The following GABBR2 variants were observed in gnomAD, a reference collection of about 807,000 sequenced individuals.
The protein encoded by GABBR2 is gamma-aminobutyric acid type B receptor subunit 2.
A neutral mutation model predicts 105.6 loss-of-function variants in GABBR2; 23 were observed. The ratio of observed to expected loss-of-function variants is 0.22; its 90% CI spans 0.16 to 0.31. GABBR2 has a LOEUF of 0.31. Ranked by LOEUF, GABBR2 falls within the 10% of genes least tolerant of loss-of-function variation. The probability of loss-of-function intolerance (pLI) is 1.00; values close to 1 mark genes in which losing one functional copy is unlikely to be tolerated. For missense variants in GABBR2, 734 were observed against 1,245.5 expected, an observed-to-expected ratio of 0.59 and a Z score of 6.18; for synonymous variants, 478 against 499.7, an observed-to-expected ratio of 0.96 and a Z score of 0.58.
intron 11 of GABBR2, among the ~76,000 whole-genome samples, chr9:98,384,412 G>A (rs1832035041): frequency 6.6e-6 from 1 of 152,130 alleles, no homozygotes; most frequent in Non-Finnish European, 1.5e-5. Flanking sequence ...CCAACATGGA[G>A]AAACCCCGTC....
chr9:98,575,283 G>T (rs943515828), intron 2 of GABBR2, among the ~76,000 whole-genome samples: 1 of 152,142 alleles, frequency 6.6e-6, no homozygotes, highest in African/African-American at 2.4e-5. Context: ...TTAAAGAATG[G>T]GCAGCACTTG....
chr9:98,652,296 C>T (rs563108826), intron 1 of GABBR2, among the ~76,000 whole-genome samples: 5 of 152,280 alleles, frequency 3.3e-5, no homozygotes, highest in African/African-American at 4.8e-5. Flanking sequence ...CAGCCCCATT[C>T]TGCACTCTCA....
intron 6 of GABBR2, among the ~76,000 whole-genome samples, chr9:98,464,452 T>C (rs1826501692): frequency 7.2e-6 from 1 of 139,338 alleles, no homozygotes; most frequent in Non-Finnish European, 1.5e-5. Context: ...AAATGGGAAC[T>C]GAGGAGCGCC....
Position 98,682,366 on chromosome 9 carries a change from CTTTTTT to C in GABBR2, c.321+26045_321+26050del, listed in dbSNP as rs58885676. Among the ~76,000 whole-genome samples the C allele has an allele frequency of 3.4e-3, 176 of 52,256 alleles. 3 individuals are homozygous for C. The East Asian group carries it at 0.051, about 15-fold the overall frequency. The allele number at this position is 52,256 out of a possible 152,430, so 34.3% of individuals were successfully genotyped here. On this transcript the variant is annotated intron_variant, in intron 1 of 18. Coordinates refer to ENST00000259455, the MANE Select transcript of GABBR2 (RefSeq NM_005458.8). ...CGAGATAGGAGATGGATTTTACCAT[CTTTTTT>C]TTTTTTTTTTTTTTTTTTTTTGAGA...
intron 2 of GABBR2, among the ~76,000 whole-genome samples, chr9:98,565,133 TGA>T (rs1169954794): frequency 6.6e-6 from 1 of 152,162 alleles, no homozygotes; most frequent in Non-Finnish European, 1.5e-5. Flanking sequence ...ACCTGAGGTA[TGA>T]CTTTACACAG....
intron 1 of GABBR2, among the ~76,000 whole-genome samples, chr9:98,676,698 C>A (rs1481370817): frequency 6.6e-6 from 1 of 152,128 alleles, no homozygotes; most frequent in Non-Finnish European, 1.5e-5. Context: ...GATGGGACAA[C>A]AAGAGTTAAG....
At chr9:98,369,941 T>C (rs1831749124) in intron 12 of GABBR2, among the ~76,000 whole-genome samples, 1 of 152,086 alleles carries the variant, frequency 6.6e-6, no homozygotes, top group African/African-American at 2.4e-5. Context: ...GAGGCCTTGG[T>C]TTCCAGTGAA....
rs138338537 is a variant in GABBR2, at chr9:98,486,759, C to T, written c.733-5762G>A. Among the ~76,000 whole-genome samples the T allele has an allele frequency of 7.9e-5, 12 of 152,336 alleles. No homozygotes were observed. In the East Asian group the frequency reaches 1.7e-3, roughly 22 times the overall value. ...GGCCAGCGGGCACTGCCTAAGGCTTCGGAAGCCCAGGCCAGTCCTGTGCCC... is the reference window on the plus strand; with the variant it reads ...GGCCAGCGGGCACTGCCTAAGGCTTTGGAAGCCCAGGCCAGTCCTGTGCCC... On this transcript the variant is annotated intron_variant, in intron 4 of 18. Coordinates refer to ENST00000259455, the MANE Select transcript of GABBR2 (RefSeq NM_005458.8).
intron 17 of GABBR2, among the ~76,000 whole-genome samples, chr9:98,297,849 C>A (rs1255386291): frequency 7.1e-6 from 1 of 140,172 alleles, no homozygotes; most frequent in East Asian, 2.1e-4. Context: ...TGGTGAAACC[C>A]TGTCTCTACT....
chr9:98,515,309 A>G (rs1052789775), intron 3 of GABBR2, among the ~76,000 whole-genome samples: 3 of 152,144 alleles, frequency 2.0e-5, no homozygotes, highest in Non-Finnish European at 2.9e-5. Context: ...CCCTGCAGAA[A>G]TAGGACAGCT....
chr9:98,697,952 G>A (rs1830777980), intron 1 of GABBR2, among the ~76,000 whole-genome samples: 1 of 152,228 alleles, frequency 6.6e-6, no homozygotes, highest in Non-Finnish European at 1.5e-5. Flanking sequence ...TTTTCAGAAA[G>A]GCTTCAGTGA....
chr9:98,567,162 T>C (rs1828764237), intron 2 of GABBR2, among the ~76,000 whole-genome samples: 1 of 152,184 alleles, frequency 6.6e-6, no homozygotes, highest in South Asian at 2.1e-4. Context: ...CAGAAAAGGG[T>C]TGAAGTGGCT....
chr9:98,300,312 C>T (rs1830448423), intron 16 of GABBR2, among the ~76,000 whole-genome samples: 1 of 151,740 alleles, frequency 6.6e-6, no homozygotes, highest in Non-Finnish European at 1.5e-5. Context: ...CCAGTCATCC[C>T]CACGTTTTTA....
chr9:98,663,312 T>C (rs1001164803), intron 1 of GABBR2, among the ~76,000 whole-genome samples: 16 of 152,056 alleles, frequency 1.1e-4, no homozygotes, highest in African/African-American at 3.9e-4. Flanking sequence ...GTCATGGAGA[T>C]ATTCAGTGCT....
intron 2 of GABBR2, among the ~76,000 whole-genome samples, chr9:98,555,191 C>T (rs939386041): frequency 3.9e-5 from 6 of 152,170 alleles, no homozygotes; most frequent in Non-Finnish European, 7.3e-5. Flanking sequence ...TCACACAGGG[C>T]CTTTTAATTT....
At chr9:98,620,272 C>CG (rs1829650910) in intron 1 of GABBR2, among the ~76,000 whole-genome samples, 1 of 90,108 alleles carries the variant, frequency 1.1e-5, no homozygotes, top group African/African-American at 4.4e-5. Context: ...TCTCTCTCCC[C>CG]GCTCCCAGCC....
intron 18 of GABBR2, among the ~76,000 whole-genome samples, chr9:98,292,131 C>A (rs564040014): frequency 2.6e-5 from 4 of 152,338 alleles, no homozygotes; most frequent in African/African-American, 9.6e-5. Context: ...TCCATGGGTG[C>A]AACTTTCACA....
intron 4 of GABBR2, among the ~76,000 whole-genome samples, chr9:98,489,287 T>C (rs1467020318): frequency 6.6e-6 from 1 of 151,926 alleles, no homozygotes; most frequent in South Asian, 2.1e-4. Flanking sequence ...AGCAGAAGCG[T>C]TGGATGAGGT....
intron 7 of GABBR2, among the ~76,000 whole-genome samples, chr9:98,439,501 A>C (rs912191083): frequency 6.6e-6 from 1 of 152,256 alleles, no homozygotes; most frequent in African/African-American, 2.4e-5. Context: ...GGACACTAAT[A>C]TCGGGCTTCT....
Sources: gnomAD v4.1 joint callset for allele counts (sites outside exome capture counted in the v4.1 genomes callset) on GRCh38, gnomAD v4.1.1 for gene constraint, MANE v1.5 for transcripts, NCBI Gene and HGNC (gene_info 2026-07-23, HGNC 2026-07-21) for gene names.